The following MED23 variants were observed in gnomAD, a reference collection of about 807,000 sequenced individuals.
The protein encoded by MED23 is mediator of RNA polymerase II transcription subunit 23.
Under a neutral mutation model 163.9 loss-of-function variants are expected in MED23, and 105 were observed. That is an observed-to-expected ratio of 0.64 (90% CI 0.55 to 0.75). The LOEUF (loss-of-function observed/expected upper bound fraction) is 0.75, where lower values mean the gene tolerates loss of function less well. Among genes scored for constraint, MED23 ranks in the 30% least tolerant of loss-of-function variants. The probability of loss-of-function intolerance (pLI) is 0.00; values close to 1 mark genes in which losing one functional copy is unlikely to be tolerated. For synonymous variants in MED23, 561 were observed against 565.6 expected, an observed-to-expected ratio of 0.99 and a Z score of 0.12; for missense variants, 1,054 against 1,649.0, an observed-to-expected ratio of 0.64 and a Z score of 6.25.
chr6:131,596,241 T>G (rs1055881582), intron 21 of MED23, 78 bp from the exon 22 acceptor site: 5 of 1,302,870 alleles, frequency 3.8e-6, no homozygotes, highest in South Asian at 3.7e-5. Context: ...GTGAAAACAT[T>G]GTTTAGATTT....
rs73779831 is a variant in MED23, at chr6:131,604,518, C to T, written c.1614-198G>A. On this transcript the variant is annotated intron_variant, in intron 14 of 28. Coordinates refer to ENST00000368068, the MANE Select transcript of MED23 (RefSeq NM_004830.4). ...TCTGAGACTCATTCCGTTTCTGTGG[C>T]GCTTTCAATATGCATACGGATCCCC... is the stretch of plus-strand genomic sequence containing the variant. Among the ~76,000 whole-genome samples the T allele has an allele frequency of 7.0e-3, 1,071 of 152,200 alleles. 11 individuals are homozygous for T. Among genetic ancestry groups the T allele is most frequent in the African/African-American group, 0.025 (1,019 of 41,520 alleles).
At position 131,623,248 on chromosome 6, in the gene MED23, G is replaced by C. The variant is rs183235435; in HGVS notation, c.396+103C>G. The C allele has an allele frequency of 2.3e-4, 218 of 955,414 alleles. No homozygotes were observed. In the African/African-American group the frequency reaches 3.0e-3, roughly 13 times the overall value. 59.2% of individuals were successfully genotyped at this position (955,414 alleles called of 1,614,324 possible). On this transcript the variant is annotated intron_variant, in intron 5 of 28. Coordinates refer to ENST00000368068, the MANE Select transcript of MED23 (RefSeq NM_004830.4). ...ATACCACAAGAAATAGACAGATTTT[G>C]TAAATGCTTCCACATCATTTCTCTC...
chr6:131,593,279 GCAAATGCAAAC>G (rs1418239582), intron 23 of MED23, 108 bp from the exon 24 acceptor site: 1 of 1,322,332 alleles, frequency 7.6e-7, no homozygotes, highest in Non-Finnish European at 1.1e-6. Flanking sequence ...AGATTAAGAG[GCAAATGCAAAC>G]CAAATACAAA....
intron 3 of MED23, 73 bp downstream of exon 3, chr6:131,627,323 T>A: frequency 1.9e-6 from 2 of 1,063,000 alleles, no homozygotes. Flanking sequence ...AAAGTAAATG[T>A]TAAAAGAAAA....
intron 11 of MED23, 27 bp from the exon 12 acceptor site, chr6:131,608,098 T>A (rs780808424): frequency 1.2e-6 from 2 of 1,612,102 alleles, no homozygotes; most frequent in Middle Eastern, 1.7e-4. Flanking sequence ...AATACACATG[T>A]ATACACTGCT....
rs1453443065 is a variant in MED23 at position 131,586,776 on chromosome 6, A to T, written c.*903T>A. 1 of 1,482,090 alleles carries T rather than the reference A, an allele frequency of 6.7e-7. No homozygotes were observed. Among genetic ancestry groups the T allele is most frequent in the Admixed American group, 2.0e-5 (1 of 48,800 alleles). The allele number at this position is 1,482,090 out of a possible 1,614,324, so 91.8% of individuals were successfully genotyped here. A position where few individuals can be genotyped will look rare whatever the true frequency, so the allele number is the denominator to read the frequency against. ...TTTATTCATTCAGCAGACTTTACTC[A>T]TTAGTTTTCAAGTCTTTCGCAATGC... On this transcript the variant is annotated 3_prime_UTR_variant, in exon 29 of 29. Transcript: ENST00000368068.
downstream of MED23, chr6:131,583,102 T>C (rs767964970): frequency 6.2e-7 from 1 of 1,614,008 alleles, no homozygotes; most frequent in South Asian, 1.1e-5. Flanking sequence ...TTTCAATGAC[T>C]GAAGTGGACA....
intron 5 of MED23, among the ~76,000 whole-genome samples, chr6:131,622,229 A>G (rs1285694197): frequency 1.3e-5 from 2 of 152,240 alleles, no homozygotes; most frequent in Admixed American, 6.5e-5. Context: ...TTTGGCCCTC[A>G]TAACATTAGA....
rs569927513 is a variant in MED23, at chr6:131,623,365, C to T, written c.382G>A (p.Gly128Arg). Residue 128 changes from glycine to arginine, a missense_variant, in exon 5 of 29, where the codon GGA becomes AGA. Coordinates refer to ENST00000368068, the MANE Select transcript of MED23 (RefSeq NM_004830.4). ...GAAAAATATACCTTGTAATCCACTC[C>T]CCCAATTATTTTCCGAACCAGTTTA... is the stretch of plus-strand genomic sequence containing the variant. The part of the protein sequence containing the change: ...TFKLVRKIIG[G>R]VDYKGVRDLL... The T allele has an allele frequency of 2.9e-5, 46 of 1,612,964 alleles. No individual in the cohort carries two copies. The highest frequency in any genetic ancestry group is 3.7e-5 in the Non-Finnish European group (44 of 1,179,090).
intron 26 of MED23, 54 bp downstream of exon 26, chr6:131,591,259 T>G (rs1774607444): frequency 1.4e-6 from 2 of 1,395,340 alleles, no homozygotes; most frequent in East Asian, 4.6e-5. Flanking sequence ...ATTACAGGCA[T>G]GAACCACCGC....
At chr6:131,610,288 G>C (rs766771922) in intron 10 of MED23, 42 bp from the exon 11 acceptor site, 2 of 1,592,364 alleles carry the variant, frequency 1.3e-6, no homozygotes, top group Admixed American at 3.4e-5. Flanking sequence ...AAAGCCTCTC[G>C]GTTAGTTTCA....
intron 5 of MED23, 144 bp downstream of exon 5, chr6:131,623,207 A>G (rs1777236641): frequency 1.3e-6 from 1 of 744,482 alleles, no homozygotes; most frequent in African/African-American, 1.8e-5. Context: ...AGTAACTTTA[A>G]ATCTTTTCAG....
In MED23 at chr6:131,602,481, T is replaced by A. The variant is rs1276211511; in HGVS notation, c.1932-100A>T. ...TGGAAAAACATGCAATCTATGACTA[T>A]CCCTTCTTTAAAAAAACACTTTTGT... is the stretch of plus-strand genomic sequence containing the variant. On this transcript the variant is annotated intron_variant, in intron 16 of 28. Coordinates refer to ENST00000368068, the MANE Select transcript of MED23 (RefSeq NM_004830.4). 73 of 1,079,712 alleles carry A rather than the reference T, an allele frequency of 6.8e-5. No individual in the cohort carries two copies. In the South Asian group the frequency reaches 9.9e-4, roughly 15 times the overall value. The allele number at this position is 1,079,712 out of a possible 1,614,324, so 66.9% of individuals were successfully genotyped here.
downstream of MED23, among the ~76,000 whole-genome samples, chr6:131,582,012 G>A (rs1773951684): frequency 6.6e-6 from 1 of 152,102 alleles, no homozygotes; most frequent in African/African-American, 2.4e-5. Flanking sequence ...TTGTTGATAT[G>A]CCATAGTATA....
chr6:131,579,372 C>G, intron 30 of MED23: 1 of 1,470,502 alleles, frequency 6.8e-7, no homozygotes, highest in Non-Finnish European at 9.3e-7. Flanking sequence ...GAAATATAGA[C>G]AGAAAAGCAT....
chr6:131,603,253 G>T, intron 15 of MED23, 49 bp from the exon 16 acceptor site: 1 of 1,572,082 alleles, frequency 6.4e-7, no homozygotes, highest in Non-Finnish European at 8.8e-7. Context: ...GGCTATGCAT[G>T]AAAAGATATT....
chr6:131,577,476 T>C (rs144478258), intron 30 of MED23, among the ~76,000 whole-genome samples: 2,535 of 152,276 alleles, frequency 0.017, 29 homozygotes, highest in Middle Eastern at 0.044. Flanking sequence ...GGTAAGAGAT[T>C]TGTGCTTGAA....
At position 131,586,780 on chromosome 6, in the gene MED23, G is replaced by C. The variant is rs975296092; in HGVS notation, c.*899C>G. 2 of 1,485,212 alleles carry C rather than the reference G, an allele frequency of 1.3e-6. No homozygotes were observed. Among genetic ancestry groups the C allele is most frequent in the African/African-American group, 2.8e-5 (2 of 71,584 alleles). 92.0% of individuals were successfully genotyped at this position (1,485,212 alleles called of 1,614,324 possible). A position where few individuals can be genotyped will look rare whatever the true frequency, so the allele number is the denominator to read the frequency against. The stretch of plus-strand genomic sequence containing the variant: ...TTCATTCAGCAGACTTTACTCATTA[G>C]TTTTCAAGTCTTTCGCAATGCCAAT... On this transcript the variant is annotated 3_prime_UTR_variant, in exon 29 of 29. Coordinates refer to ENST00000368068, the MANE Select transcript of MED23 (RefSeq NM_004830.4).
At position 131,619,854 on chromosome 6, in the gene MED23, G is replaced by C. The variant is rs1185549835; in HGVS notation, c.640C>G (p.Pro214Ala). Reference sequence around the variant, plus strand: ...CAAATGGAGTTTATCCTTGCTGTGGGCCTGAAGGTATCCACAAAGTCTGAT... The same window carrying C: ...CAAATGGAGTTTATCCTTGCTGTGGCCCTGAAGGTATCCACAAAGTCTGAT... ...LVSDFVDTFR[P>A]TARINSICGR... Residue 214 changes from proline (P) to alanine (A), a missense_variant, in exon 8 of 29, where the codon CCC becomes GCC. Around this residue, in one of 11 missense-constraint regions of MED23, gnomAD observed 54 missense variants for 79.7 expected, o/e 0.68. Coordinates refer to ENST00000368068, the MANE Select transcript of MED23 (RefSeq NM_004830.4). 2 of 1,611,476 alleles carry C rather than the reference G, an allele frequency of 1.2e-6. No individual in the cohort carries two copies. The highest frequency in any genetic ancestry group is 1.7e-6 in the Non-Finnish European group (2 of 1,178,082).
Sources: allele counts gnomAD v4.1 joint callset (sites outside exome capture counted in the v4.1 genomes callset), GRCh38; gene constraint gnomAD v4.1.1; regional missense constraint gnomAD v4.1.1; transcripts MANE v1.5; gene names NCBI Gene and HGNC (gene_info 2026-07-23, HGNC 2026-07-21).